The following BBS9 variants were observed in gnomAD, a reference collection of about 807,000 sequenced individuals.
The protein encoded by BBS9 is protein PTHB1.
BBS9 carries 89 observed loss-of-function variants against 117.7 expected under a neutral mutation model. That is an observed-to-expected ratio of 0.76 (90% CI 0.64 to 0.90). BBS9 has a LOEUF of 0.90. BBS9 is among the 40% of genes least tolerant of loss of function. The pLI is 0.00. For synonymous variants in BBS9, 379 were observed against 370.9 expected (o/e 1.02, Z -0.25); for missense variants, 982 against 1,042.2 (o/e 0.94, Z 0.80).
intron 20 of BBS9, among the ~76,000 whole-genome samples, chr7:33,514,928 C>T (rs369331973): frequency 1.4e-3 from 215 of 152,300 alleles, no homozygotes; most frequent in African/African-American, 4.9e-3. Flanking sequence ...CAAAGGTGTG[C>T]ATGTTTCACG....
chr7:33,596,925 T>G (rs1266761290), intron 21 of BBS9, among the ~76,000 whole-genome samples: 1 of 152,118 alleles, frequency 6.6e-6, no homozygotes, highest in Admixed American at 6.6e-5. Flanking sequence ...ATGCCTGGCT[T>G]TTTATAGCTT....
At chr7:33,296,349 G>A (rs959503668) in intron 9 of BBS9, among the ~76,000 whole-genome samples, 47 of 152,154 alleles carry the variant, frequency 3.1e-4, no homozygotes, top group African/African-American at 1.0e-3. Flanking sequence ...ACATTTGATC[G>A]TATTTTGATA....
At chr7:33,375,057 A>C (rs1350022164) in intron 17 of BBS9, among the ~76,000 whole-genome samples, 1 of 152,216 alleles carries the variant, frequency 6.6e-6, no homozygotes, top group Non-Finnish European at 1.5e-5. Context: ...GAATACAAGC[A>C]TTATACTGAT....
intron 20 of BBS9, among the ~76,000 whole-genome samples, chr7:33,530,996 G>A (rs1460360759): frequency 1.3e-5 from 2 of 152,138 alleles, no homozygotes; most frequent in Non-Finnish European, 1.5e-5. Flanking sequence ...TGCAATCCTA[G>A]CACTTTTGGA....
chr7:33,204,716 A>G (rs1786583271), intron 5 of BBS9, among the ~76,000 whole-genome samples: 1 of 152,150 alleles, frequency 6.6e-6, no homozygotes. Context: ...ATTTGAAACC[A>G]AAGTTGCATG....
chr7:33,261,800 T>A (rs1798022032), intron 6 of BBS9, among the ~76,000 whole-genome samples: 1 of 152,232 alleles, frequency 6.6e-6, no homozygotes, highest in South Asian at 2.1e-4. Flanking sequence ...ACCGTTTAGC[T>A]GCACTTGGTG....
chr7:33,303,336 G>A (rs62451184), intron 9 of BBS9, among the ~76,000 whole-genome samples: 1 of 152,090 alleles, frequency 6.6e-6, no homozygotes, highest in Non-Finnish European at 1.5e-5. Context: ...TCCTTGCCAT[G>A]TTCCAGATCT....
intron 21 of BBS9, among the ~76,000 whole-genome samples, chr7:33,580,596 A>C (rs945982737): frequency 2.0e-5 from 3 of 152,148 alleles, no homozygotes; most frequent in African/African-American, 7.2e-5. Context: ...ACCAGAGAAA[A>C]CATCAAAGAA....
Position 33,534,087 on chromosome 7 carries a change from A to G in BBS9, c.2432A>G (p.His811Arg), listed in dbSNP as rs1475362320. The stretch of plus-strand genomic sequence containing the variant: ...AAAGACACAAGCCAACTGAAGAAAC[A>G]TATCACCTTGCTCTGCGATAGATTA... ...IPKDTSQLKKHITLLCDRLSK... is the reference protein window; with the variant it reads ...IPKDTSQLKKRITLLCDRLSK... The change falls in exon 21 of 23, where the codon CAT becomes CGT. Residue 811 changes from histidine (H) to arginine (R), a missense_variant. Coordinates refer to ENST00000242067, the MANE Select transcript of BBS9 (RefSeq NM_198428.3). The G allele has an allele frequency of 6.2e-7, 1 of 1,614,184 alleles. No homozygotes were observed.
chr7:33,615,924 T>C (rs1016572474), intron 21 of BBS9, among the ~76,000 whole-genome samples: 4 of 151,998 alleles, frequency 2.6e-5, no homozygotes, highest in Admixed American at 2.6e-4. Context: ...AAAAATTCAC[T>C]AGCCTAGAAC....
At chr7:33,611,398 A>C (rs926897896) in intron 21 of BBS9, among the ~76,000 whole-genome samples, 4 of 148,870 alleles carry the variant, frequency 2.7e-5, no homozygotes, top group African/African-American at 9.8e-5. Flanking sequence ...TGTGAAATTT[A>C]GGTCTGTAAT....
At chr7:33,410,308 C>G (rs1830883511) in intron 19 of BBS9, among the ~76,000 whole-genome samples, 1 of 152,174 alleles carries the variant, frequency 6.6e-6, no homozygotes. Context: ...CCATGAGTCC[C>G]TTGCTTTATA....
chr7:33,277,661 C>T (rs1801011655), intron 9 of BBS9, among the ~76,000 whole-genome samples: 1 of 151,992 alleles, frequency 6.6e-6, no homozygotes, highest in Admixed American at 6.6e-5. Context: ...GGTGGCTAGG[C>T]AATGGGTGCT....
intron 19 of BBS9, among the ~76,000 whole-genome samples, chr7:33,434,278 TAAAA>T (rs36043262): frequency 7.5e-6 from 1 of 132,684 alleles, no homozygotes; most frequent in Non-Finnish European, 1.6e-5. Context: ...TCCTGTTTGC[TAAAA>T]AAAAAAAAAA....
At chr7:33,221,915 A>G (rs939168464) in intron 5 of BBS9, among the ~76,000 whole-genome samples, 8 of 152,198 alleles carry the variant, frequency 5.3e-5, no homozygotes, top group African/African-American at 1.7e-4. Context: ...ATATACACAC[A>G]CACACACATA....
At position 33,391,441 on chromosome 7, in the gene BBS9, C is replaced by A. The variant is rs987647273; in HGVS notation, c.2115+3297C>A. On this transcript the variant is annotated intron_variant, in intron 19 of 22. Coordinates refer to ENST00000242067, the MANE Select transcript of BBS9 (RefSeq NM_198428.3). ...ACACATGCACACATACACCAGCATA[C>A]CCATACATACACACTACCTTACAGG... 5.3e-4 allele frequency among the ~76,000 whole-genome samples: 81 copies of A among 152,126 alleles called. 1 individual carries two copies. The highest frequency in any genetic ancestry group is 1.8e-3 in the African/African-American group (73 of 41,418).
intron 20 of BBS9, among the ~76,000 whole-genome samples, chr7:33,530,928 A>G (rs1277856144): frequency 6.6e-6 from 1 of 152,182 alleles, no homozygotes; most frequent in Non-Finnish European, 1.5e-5. Flanking sequence ...GGAAATATGT[A>G]GAGTCTGCAC....
rs765830651 is a variant in BBS9 at position 33,399,444 on chromosome 7, C to T, written c.2115+11300C>T. 7.5e-4 allele frequency among the ~76,000 whole-genome samples: 114 copies of T among 152,076 alleles called. 1 individual carries two copies. Among genetic ancestry groups the T allele is most frequent in the Non-Finnish European group, 1.5e-3 (101 of 68,016 alleles). ...ATGTCAACAGACTTGAGTCCTAGTC[C>T]CAGTTCTTTCTGGTGCTTTGACTTT... On this transcript the variant is annotated intron_variant, in intron 19 of 22. Transcript: ENST00000242067.
chr7:33,565,217 A>G (rs113454304), intron 21 of BBS9, among the ~76,000 whole-genome samples: 9 of 152,178 alleles, frequency 5.9e-5, no homozygotes, highest in Non-Finnish European at 7.4e-5. Flanking sequence ...AGTGTTTCAC[A>G]TATTTCCATG....
Sources: allele counts gnomAD v4.1 joint callset (sites outside exome capture counted in the v4.1 genomes callset), GRCh38; gene constraint gnomAD v4.1.1; transcripts MANE v1.5; gene names NCBI Gene and HGNC (gene_info 2026-07-23, HGNC 2026-07-21).